Variants in CRB1 observed in about 807,000 individuals in gnomAD.
CRB1 encodes the protein protein crumbs homolog 1.
Under a neutral mutation model 120.0 loss-of-function variants are expected in CRB1, and 83 were observed. That is an observed-to-expected ratio of 0.69 (90% CI 0.58 to 0.83). CRB1 has a LOEUF of 0.83. Among genes scored for constraint, CRB1 ranks in the 40% least tolerant of loss-of-function variants. The pLI is 0.00. For missense variants in CRB1, 1,699 were observed against 1,687.6 expected (o/e 1.01, Z -0.12); for synonymous variants, 625 against 612.5 (o/e 1.02, Z -0.30).
the CRB1 span, among the ~76,000 whole-genome samples, chr1:197,205,882 C>CTT: frequency 5.2e-5 from 7 of 134,372 alleles, no homozygotes; most frequent in East Asian, 2.2e-4. Flanking sequence ...TGGTCCTGGA[C>CTT]TTTTTTTTTT....
the CRB1 span, among the ~76,000 whole-genome samples, chr1:197,213,891 A>T: frequency 1.3e-5 from 2 of 152,154 alleles, no homozygotes; most frequent in African/African-American, 4.8e-5. Context: ...AAGCAGTTCT[A>T]AGAGTGAAAC....
intron 5 of CRB1, among the ~76,000 whole-genome samples, chr1:197,374,065 G>T (rs988512157): frequency 1.3e-5 from 2 of 152,090 alleles, no homozygotes; most frequent in African/African-American, 4.8e-5. Context: ...GCCAATTTTT[G>T]GCAGGAGTCT....
chr1:197,268,137 G>A, upstream of CRB1: 1 of 418,808 alleles, frequency 2.4e-6, no homozygotes, highest in Non-Finnish European at 4.5e-6. Flanking sequence ...CGCAGCAAAG[G>A]CTTGAGGGGG....
At chr1:197,428,893 T>G in intron 7 of CRB1, 1 of 1,429,592 alleles carries the variant, frequency 7.0e-7, no homozygotes, top group Non-Finnish European at 9.4e-7. Flanking sequence ...AATAAATTTC[T>G]TTTTAAATAC....
chr1:197,376,047 C>A (rs1317083529), intron 5 of CRB1, among the ~76,000 whole-genome samples: 1 of 152,146 alleles, frequency 6.6e-6, no homozygotes, highest in African/African-American at 2.4e-5. Flanking sequence ...TTCTCTCTGA[C>A]CTGCTGGATA....
intron 1 of CRB1, among the ~76,000 whole-genome samples, chr1:197,322,646 G>T (rs1571837361): frequency 6.6e-6 from 1 of 151,930 alleles, no homozygotes; most frequent in African/African-American, 2.4e-5. Context: ...GACAGCACTG[G>T]TATAGGTGCT....
chr1:197,300,725 C>A (rs530279591), intron 1 of CRB1, among the ~76,000 whole-genome samples: 1 of 152,286 alleles, frequency 6.6e-6, no homozygotes, highest in African/African-American at 2.4e-5. Flanking sequence ...GTAGGCAAAA[C>A]AACCTCCTGT....
chr1:197,392,187 C>T (rs1662540605), intron 5 of CRB1, among the ~76,000 whole-genome samples: 1 of 151,898 alleles, frequency 6.6e-6, no homozygotes, highest in Non-Finnish European at 1.5e-5. Flanking sequence ...TTACTCTACA[C>T]TTCCTCTACA....
intron 11 of CRB1, among the ~76,000 whole-genome samples, chr1:197,454,275 TA>T: frequency 3.8e-4 from 1 of 2,656 alleles, no homozygotes; most frequent in Non-Finnish European, 0.014. Flanking sequence ...TTTAAAAAGT[TA>T]CTTACTTAAG....
At position 197,398,892 on chromosome 1, in the gene CRB1, TTGTGTGTGTG is replaced by T. The variant is rs140149936; in HGVS notation, c.1172-22074_1172-22065del. 3.7e-4 allele frequency among the ~76,000 whole-genome samples: 50 copies of T among 136,392 alleles called. 1 individual carries two copies. The highest frequency in any genetic ancestry group is 6.7e-4 in the African/African-American group (24 of 35,742). 89.5% of individuals were successfully genotyped at this position (136,392 alleles called of 152,430 possible). Reference sequence around the variant, plus strand: ...GCCAGGAGCTGGGGTCAGGAAATGATTGTGTGTGTGTGTGTGTGTGTGTGTGTGTGTGTGT... The same window carrying T: ...GCCAGGAGCTGGGGTCAGGAAATGATTGTGTGTGTGTGTGTGTGTGTGTGT... On this transcript the variant is annotated intron_variant, in intron 5 of 11. Transcript: ENST00000367400.
chr1:197,277,520 G>A (rs1392449603), intron 1 of CRB1, among the ~76,000 whole-genome samples: 4 of 151,908 alleles, frequency 2.6e-5, no homozygotes, highest in African/African-American at 9.7e-5. Flanking sequence ...AATACAAGGA[G>A]AGAAAATGAA....
At chr1:197,210,811 A>C in the CRB1 span, among the ~76,000 whole-genome samples, 1 of 152,026 alleles carries the variant, frequency 6.6e-6, no homozygotes, top group East Asian at 1.9e-4. Context: ...TATAGTCTGC[A>C]GAAGGCCAAG....
intron 1 of CRB1, among the ~76,000 whole-genome samples, chr1:197,313,363 A>G (rs1657661301): frequency 6.6e-6 from 1 of 152,216 alleles, no homozygotes; most frequent in Non-Finnish European, 1.5e-5. Flanking sequence ...TGAATGTGAT[A>G]TTTTGATACA....
At chr1:197,313,372 C>G (rs1657661950) in intron 1 of CRB1, among the ~76,000 whole-genome samples, 1 of 152,148 alleles carries the variant, frequency 6.6e-6, no homozygotes, top group African/African-American at 2.4e-5. Context: ...TATTTTGATA[C>G]ATGTATACAA....
intron 1 of CRB1, among the ~76,000 whole-genome samples, chr1:197,274,715 C>T (rs1044468102): frequency 4.6e-5 from 7 of 152,098 alleles, no homozygotes; most frequent in Non-Finnish European, 1.5e-5. Flanking sequence ...TTCTTTCACA[C>T]AGCAATATTT....
chr1:197,265,391 T>C (rs1654610028), upstream of CRB1, among the ~76,000 whole-genome samples: 2 of 151,776 alleles, frequency 1.3e-5, no homozygotes. Flanking sequence ...CCTTCATTTT[T>C]CCTTCCTTCT....
At chr1:197,327,347 A>C (rs1658577389) in intron 1 of CRB1, among the ~76,000 whole-genome samples, 2 of 152,340 alleles carry the variant, frequency 1.3e-5, no homozygotes, top group Admixed American at 1.3e-4. Context: ...AGTGCAATAG[A>C]ACTATCAAGG....
chr1:197,240,266 C>T, the CRB1 span, among the ~76,000 whole-genome samples: 1 of 151,984 alleles, frequency 6.6e-6, no homozygotes, highest in East Asian at 1.9e-4. Context: ...ATGTGCAGAA[C>T]GTGCAGGTTT....
intron 1 of CRB1, among the ~76,000 whole-genome samples, chr1:197,290,265 C>CGTGTGTGTGTGTGTGTGT (rs10540136): frequency 8.0e-5 from 11 of 136,982 alleles, no homozygotes; most frequent in East Asian, 4.5e-4. Flanking sequence ...TGTTCCCTTT[C>CGTGTGTGTGTGTGTGTGT]GTGTGTGTGT....
Sources: gnomAD v4.1 joint callset for allele counts (sites outside exome capture counted in the v4.1 genomes callset) on GRCh38, gnomAD v4.1.1 for gene constraint, MANE v1.5 for transcripts, NCBI Gene and HGNC (gene_info 2026-07-23, HGNC 2026-07-21) for gene names.